ANKH: variants seen among roughly 807,000 people sequenced by gnomAD.
The protein encoded by ANKH is ANKH inorganic pyrophosphate transport regulator.
ANKH carries 15 observed loss-of-function variants against 49.0 expected under a neutral mutation model. The ratio of observed to expected loss-of-function variants is 0.31; its 90% CI spans 0.20 to 0.47. The LOEUF (loss-of-function observed/expected upper bound fraction) is 0.47, where lower values mean the gene tolerates loss of function less well. ANKH is among the 20% of genes least tolerant of loss of function. The pLI is 1.00. For missense variants in ANKH, 429 were observed against 652.0 expected (o/e 0.66, Z 3.72); for synonymous variants, 273 against 260.0 (o/e 1.05, Z -0.48).
At chr5:14,801,180 G>T (rs1205554549) in intron 1 of ANKH, among the ~76,000 whole-genome samples, 1 of 152,190 alleles carries the variant, frequency 6.6e-6, no homozygotes, top group African/African-American at 2.4e-5. Flanking sequence ...AGATTTAACA[G>T]AATTATTGGA....
At chr5:14,805,764 TTCCA>T (rs774535102) in intron 1 of ANKH, among the ~76,000 whole-genome samples, 2 of 151,890 alleles carry the variant, frequency 1.3e-5, no homozygotes, top group Non-Finnish European at 2.9e-5. Flanking sequence ...CTGCAGATGG[TTCCA>T]ACCCACTGCA....
At chr5:14,834,134 G>A (rs1741586873) in intron 1 of ANKH, among the ~76,000 whole-genome samples, 1 of 152,164 alleles carries the variant, frequency 6.6e-6, no homozygotes, top group South Asian at 2.1e-4. Context: ...GAGGACTAAT[G>A]AAGTGGTAAA....
chr5:14,730,507 C>T (rs749758691), intron 8 of ANKH, among the ~76,000 whole-genome samples: 2 of 152,124 alleles, frequency 1.3e-5, no homozygotes, highest in Admixed American at 6.5e-5. Flanking sequence ...ATCTGAAGGC[C>T]TCATGGTCCC....
Position 14,708,524 on chromosome 5 carries a change from G to C in ANKH, c.*2673C>G, listed in dbSNP as rs1296603777. The C allele has an allele frequency of 2.0e-5, 3 of 152,208 alleles. No homozygotes were observed. Among genetic ancestry groups the C allele is most frequent in the Non-Finnish European group, 1.5e-5 (1 of 68,046 alleles). The allele number at this position is 152,208 out of a possible 1,614,324, so 9.4% of individuals were successfully genotyped here. A position where few individuals can be genotyped will look rare whatever the true frequency, so the allele number is the denominator to read the frequency against. The stretch of plus-strand genomic sequence containing the variant: ...CCCAATGACTCTGAAAAGTGGGAAG[G>C]AGAAAGGTCACCCTCCCTGGTTTGA... On this transcript the variant is annotated 3_prime_UTR_variant, in exon 12 of 12. Transcript: ENST00000284268.
intron 2 of ANKH, among the ~76,000 whole-genome samples, chr5:14,761,625 T>C (rs532853036): frequency 5.3e-5 from 8 of 152,310 alleles, no homozygotes; most frequent in East Asian, 1.9e-4. Flanking sequence ...CCACTTGCTA[T>C]GTGCGCTCCA....
chr5:14,713,720 C>T lies in ANKH; in HGVS notation c.1142-53G>A. The T allele has an allele frequency of 4.3e-6, 7 of 1,611,718 alleles. No homozygotes were observed. In the Admixed American group the frequency reaches 1.2e-4, roughly 27 times the overall value. ...GCCGTGCCCGCCATCCACTCCCCAT[C>T]CTGCTGCCTCTGGACCAGGGCAGCA... On this transcript the variant is annotated intron_variant, in intron 9 of 11. Transcript: ENST00000284268. The surrounding 1 kb of genome is among the most constrained non-coding windows in gnomAD (Gnocchi z 4.4).
intron 8 of ANKH, among the ~76,000 whole-genome samples, chr5:14,740,179 T>C (rs73048848): frequency 0.021 from 3,205 of 152,060 alleles, 99 homozygotes; most frequent in African/African-American, 0.074. Context: ...CAGCCAGGCG[T>C]TGTCAGCTTT....
chr5:14,720,131 C>T (rs1480378863), intron 8 of ANKH, among the ~76,000 whole-genome samples: 1 of 152,138 alleles, frequency 6.6e-6, no homozygotes, highest in African/African-American at 2.4e-5. Flanking sequence ...CACTGGAGAT[C>T]TATTATAAAT....
intron 8 of ANKH, among the ~76,000 whole-genome samples, chr5:14,735,784 C>T (rs1245951864): frequency 6.6e-6 from 1 of 152,066 alleles, no homozygotes; most frequent in South Asian, 2.1e-4. Flanking sequence ...ATGGGCCCAC[C>T]CTACTCACCT....
chr5:14,796,877 G>A (rs765489052), intron 1 of ANKH, among the ~76,000 whole-genome samples: 1 of 152,074 alleles, frequency 6.6e-6, no homozygotes, highest in Non-Finnish European at 1.5e-5. Context: ...CCTTTCTGTA[G>A]CTACTTTAGA....
At position 14,751,069 on chromosome 5, in the gene ANKH, C is replaced by G; in HGVS notation, c.687G>C (p.Gly229=). 6.2e-7 allele frequency: 1 copy of G among 1,614,158 alleles called. No individual in the cohort carries two copies. The highest frequency in any genetic ancestry group is 8.5e-7 in the Non-Finnish European group (1 of 1,180,026). ...ACTGCTGTTGGGTTGGTAGACGTAC[C>G]CCCAGCTCCGGGCCACTTCTGTCAG... ...IIPDRSGPEL[G]GDATIRKMLS... The change falls in exon 5 of 12, where the codon GGG becomes GGC. Residue 229 remains glycine, a splice_region_variant and synonymous_variant. Coordinates refer to ENST00000284268, the MANE Select transcript of ANKH (RefSeq NM_054027.6).
At chr5:14,751,330 A>T (rs1738710835) in intron 4 of ANKH, 91 bp from the exon 5 acceptor site, 2 of 1,324,234 alleles carry the variant, frequency 1.5e-6, no homozygotes, top group Admixed American at 3.7e-5. Flanking sequence ...CCTGAGACAG[A>T]CCTCTGAGCA....
intron 1 of ANKH, among the ~76,000 whole-genome samples, chr5:14,813,242 A>T (rs1431981656): frequency 1.4e-5 from 1 of 69,440 alleles, no homozygotes; most frequent in Admixed American, 1.4e-4. Context: ...TGGCTATTTA[A>T]AAAAAAAAAA....
intron 1 of ANKH, among the ~76,000 whole-genome samples, chr5:14,807,487 C>T (rs1348286632): frequency 1.3e-5 from 2 of 152,156 alleles, no homozygotes; most frequent in Admixed American, 6.5e-5. Flanking sequence ...TCTGATACTT[C>T]TTGAGCATGT....
At chr5:14,724,246 G>C (rs1186256438) in intron 8 of ANKH, among the ~76,000 whole-genome samples, 9 of 152,186 alleles carry the variant, frequency 5.9e-5, no homozygotes, top group Non-Finnish European at 1.3e-4. Context: ...GAACCCAGGA[G>C]GCAGAGGTTG....
chr5:14,830,235 C>T (rs1360527233), intron 1 of ANKH, among the ~76,000 whole-genome samples: 6 of 152,170 alleles, frequency 3.9e-5, no homozygotes, highest in Non-Finnish European at 7.4e-5. Flanking sequence ...TCAAAATCAT[C>T]CTCTTTTATT....
rs551345765 is a variant in ANKH at position 14,710,374 on chromosome 5, C to T, written c.*823G>A. ...AAGCAAGCCTTCAGGAAAAGTCATG[C>T]GGCAGGGTCTGGAATCTGGAGATGC... is the stretch of plus-strand genomic sequence containing the variant. On this transcript the variant is annotated 3_prime_UTR_variant, in exon 12 of 12. Coordinates refer to ENST00000284268, the MANE Select transcript of ANKH (RefSeq NM_054027.6). The T allele has an allele frequency of 6.6e-6, 1 of 152,292 alleles. No homozygotes were observed. Among genetic ancestry groups the T allele is most frequent in the African/African-American group, 2.4e-5 (1 of 41,564 alleles). 9.4% of individuals were successfully genotyped at this position (152,292 alleles called of 1,614,324 possible).
At chr5:14,760,621 C>T (rs1299445795) in intron 2 of ANKH, among the ~76,000 whole-genome samples, 2 of 152,174 alleles carry the variant, frequency 1.3e-5, no homozygotes, top group East Asian at 3.8e-4. Context: ...CTGACCTTGC[C>T]CACATTGCTG....
chr5:14,733,693 TG>T (rs1236303149), intron 8 of ANKH, among the ~76,000 whole-genome samples: 3 of 152,238 alleles, frequency 2.0e-5, no homozygotes, highest in Non-Finnish European at 2.9e-5. Flanking sequence ...TGGGCTTTGC[TG>T]GGCTCCCTGC....
Sources: allele counts gnomAD v4.1 joint callset (sites outside exome capture counted in the v4.1 genomes callset), GRCh38; gene constraint gnomAD v4.1.1; non-coding constraint Gnocchi (gnomAD v3.1); transcripts MANE v1.5; gene names NCBI Gene and HGNC (gene_info 2026-07-23, HGNC 2026-07-21).